Variants in CALD1 observed in about 807,000 individuals in gnomAD.
The protein encoded by CALD1 is caldesmon.
Under a neutral mutation model 99.9 loss-of-function variants are expected in CALD1, and 33 were observed. That is an observed-to-expected ratio of 0.33 (90% CI 0.25 to 0.44). The LOEUF (loss-of-function observed/expected upper bound fraction) is 0.44, where lower values mean the gene tolerates loss of function less well. CALD1 is among the 20% of genes least tolerant of loss of function. The pLI, the probability that CALD1 is intolerant of heterozygous loss-of-function variation, is 1.00. For synonymous variants in CALD1, 310 were observed against 325.0 expected, an observed-to-expected ratio of 0.95 and a Z score of 0.50; for missense variants, 861 against 962.1, an observed-to-expected ratio of 0.89 and a Z score of 1.39.
chr7:134,872,578 C>G (rs1330633322), intron 3 of CALD1, among the ~76,000 whole-genome samples: 1 of 152,066 alleles, frequency 6.6e-6, no homozygotes, highest in African/African-American at 2.4e-5. Context: ...AGATACTATA[C>G]CGAACCATAG....
the CALD1 span, among the ~76,000 whole-genome samples, chr7:134,729,119 T>C: frequency 1.3e-5 from 2 of 152,186 alleles, no homozygotes; most frequent in South Asian, 4.1e-4. Context: ...CCCAAAGTGC[T>C]GGGATTATAG....
At chr7:134,736,581 A>T in the CALD1 span, among the ~76,000 whole-genome samples, 1 of 152,318 alleles carries the variant, frequency 6.6e-6, no homozygotes, top group African/African-American at 2.4e-5. Flanking sequence ...TAAAGAACAA[A>T]GCTAAGTAAT....
At chr7:134,861,726 G>A (rs1800572587) in intron 2 of CALD1, among the ~76,000 whole-genome samples, 1 of 152,160 alleles carries the variant, frequency 6.6e-6, no homozygotes, top group Admixed American at 6.6e-5. Context: ...ATGTTTTTGT[G>A]AGGCCTCACT....
At chr7:134,951,300 G>A (rs1807321379) in intron 9 of CALD1, among the ~76,000 whole-genome samples, 1 of 152,122 alleles carries the variant, frequency 6.6e-6, no homozygotes, top group South Asian at 2.1e-4. Flanking sequence ...TGGAAAGGAG[G>A]GACAGTAGTG....
intron 1 of CALD1, among the ~76,000 whole-genome samples, chr7:134,819,007 C>T (rs533052392): frequency 3.3e-5 from 5 of 152,280 alleles, no homozygotes; most frequent in South Asian, 2.1e-4. Flanking sequence ...AAATTGGCCA[C>T]GCTAAACCAG....
chr7:134,951,160 A>T (rs899557023), intron 9 of CALD1, among the ~76,000 whole-genome samples: 2 of 152,212 alleles, frequency 1.3e-5, no homozygotes, highest in Non-Finnish European at 2.9e-5. Flanking sequence ...CCTCACCCTC[A>T]TCACCTAGTT....
At chr7:134,908,075 G>A (rs1006476257) in intron 3 of CALD1, among the ~76,000 whole-genome samples, 2 of 152,100 alleles carry the variant, frequency 1.3e-5, no homozygotes, top group Non-Finnish European at 2.9e-5. Context: ...ATATCATGCT[G>A]ACACAGTTTA....
At chr7:134,825,175 G>A (rs1157841415) in intron 1 of CALD1, among the ~76,000 whole-genome samples, 5 of 152,098 alleles carry the variant, frequency 3.3e-5, no homozygotes, top group African/African-American at 1.2e-4. Context: ...ATAAAGTGGG[G>A]AGAAAGGGGG....
intron 1 of CALD1, among the ~76,000 whole-genome samples, chr7:134,781,145 A>G (rs1206227664): frequency 6.6e-6 from 1 of 152,204 alleles, no homozygotes; most frequent in Non-Finnish European, 1.5e-5. Context: ...GCTGCAGGCA[A>G]AAGCTATAGT....
chr7:134,716,895 C>T, the CALD1 span, among the ~76,000 whole-genome samples: 6 of 152,122 alleles, frequency 3.9e-5, no homozygotes, highest in Non-Finnish European at 7.4e-5. Context: ...CACTGGTCTT[C>T]GATTTTTTGT....
intron 2 of CALD1, among the ~76,000 whole-genome samples, chr7:134,852,765 GGCTGAGA>G (rs1800133293): frequency 6.6e-6 from 1 of 152,076 alleles, no homozygotes; most frequent in African/African-American, 2.4e-5. Context: ...TTTAAGATTC[GGCTGAGA>G]GCTGAGACCT....
rs188377286 is a variant in CALD1 at position 134,918,734 on chromosome 7, C to T, written c.72-10020C>T. 3.2e-3 allele frequency among the ~76,000 whole-genome samples: 489 copies of T among 152,278 alleles called. 6 individuals carry two copies. The highest frequency in any genetic ancestry group is 7.4e-4 in the Non-Finnish European group (50 of 68,012). On this transcript the variant is annotated intron_variant, in intron 3 of 14. Transcript: ENST00000361675. ...GTACATGGCTAGGCGTAGTGGCTCACGCCTGTAACCCAGAACTTTGGGAGG... is the reference window on the plus strand; with the variant it reads ...GTACATGGCTAGGCGTAGTGGCTCATGCCTGTAACCCAGAACTTTGGGAGG...
At chr7:134,895,299 TG>T (rs1563075587) in intron 3 of CALD1, among the ~76,000 whole-genome samples, 1 of 11,790 alleles carries the variant, frequency 8.5e-5, no homozygotes, top group East Asian at 3.2e-3. Context: ...TATATATGTA[TG>T]TGTGTGTGTG....
At chr7:134,960,403 A>C in intron 12 of CALD1, 130 bp from the exon 13 acceptor site, 1 of 690,602 alleles carries the variant, frequency 1.4e-6, no homozygotes, top group Non-Finnish European at 2.6e-6. Flanking sequence ...CATATTCTGT[A>C]AATATCAAGT....
chr7:134,943,643 A>T (rs1371600654), intron 7 of CALD1, among the ~76,000 whole-genome samples: 2 of 152,208 alleles, frequency 1.3e-5, no homozygotes, highest in Non-Finnish European at 2.9e-5. Context: ...AGAAAAAAAT[A>T]CTCATTATAA....
At chr7:134,954,759 G>C (rs1807635558) in intron 9 of CALD1, among the ~76,000 whole-genome samples, 1 of 152,150 alleles carries the variant, frequency 6.6e-6, no homozygotes, top group Non-Finnish European at 1.5e-5. Context: ...CCACCACACT[G>C]AATTTTTCTT....
chr7:134,729,369 G>A, the CALD1 span, among the ~76,000 whole-genome samples: 46,599 of 152,182 alleles, frequency 0.31, 7,905 homozygotes, highest in East Asian at 0.6. Context: ...AAATGGTGGA[G>A]CTGGGACTCA....
Position 134,755,157 on chromosome 7 carries a change from C to G in CALD1, c.-130+10794C>G, listed in dbSNP as rs118030814. Among the ~76,000 whole-genome samples, 876 of 152,136 alleles carry G rather than the reference C, an allele frequency of 5.8e-3. 10 individuals carry two copies. Among genetic ancestry groups the G allele is most frequent in the Non-Finnish European group, 8.1e-3 (550 of 67,970 alleles). ...CTGGGATTACAGGCGCCCACTACCACTCTTGGTTAATTTTTGTATTTTTAG... is the reference window on the plus strand; with the variant it reads ...CTGGGATTACAGGCGCCCACTACCAGTCTTGGTTAATTTTTGTATTTTTAG... On this transcript the variant is annotated intron_variant, in intron 1 of 13. Coordinates refer to the CALD1 transcript ENST00000417172.
At chr7:134,922,356 T>C (rs1314755530) in intron 3 of CALD1, among the ~76,000 whole-genome samples, 1 of 152,246 alleles carries the variant, frequency 6.6e-6, no homozygotes, top group African/African-American at 2.4e-5. Context: ...AGATCTTGTC[T>C]TGTTAATAAA....
Sources: allele counts gnomAD v4.1 joint callset (sites outside exome capture counted in the v4.1 genomes callset), GRCh38; gene constraint gnomAD v4.1.1; transcripts MANE v1.5; gene names NCBI Gene and HGNC (gene_info 2026-07-23, HGNC 2026-07-21).